Variants in ANK2 observed in about 807,000 individuals in gnomAD.
ANK2 encodes ankyrin-2.
ANK2 carries 83 observed loss-of-function variants against 360.5 expected under a neutral mutation model. The observed-to-expected ratio is 0.23, with a 90% CI of 0.19 to 0.28. ANK2 has a LOEUF of 0.28. Among genes scored for constraint, ANK2 ranks in the 10% least tolerant of loss-of-function variants. The pLI, the probability that ANK2 is intolerant of heterozygous loss-of-function variation, is 1.00. For synonymous variants in ANK2, 1,740 were observed against 1,759.5 expected, an observed-to-expected ratio of 0.99 and a Z score of 0.28; for missense variants, 4,201 against 4,795.7, an observed-to-expected ratio of 0.88 and a Z score of 3.66.
rs1379499964 is a variant in ANK2, at chr4:113,339,216, A to G, written c.3797-10A>G. ...TTGCCTGATTTTTTTCAACAATCAT[A>G]TTATTTCAGGTGGAACCACCCCTGC... On this transcript the variant is annotated splice_polypyrimidine_tract_variant and intron_variant, in intron 31 of 45. Transcript: ENST00000357077. 2 of 1,606,762 alleles carry G rather than the reference A, an allele frequency of 1.2e-6. No individual in the cohort carries two copies. The highest frequency in any genetic ancestry group is 1.3e-5 in the African/African-American group (1 of 74,862).
At chr4:112,973,143 A>T (rs965701896) in intron 2 of ANK2, among the ~76,000 whole-genome samples, 1 of 151,612 alleles carries the variant, frequency 6.6e-6, no homozygotes, top group Non-Finnish European at 1.5e-5. Flanking sequence ...TGTAACCAAA[A>T]CCCACCTGTA....
At chr4:113,079,257 C>T (rs552056594) in intron 1 of ANK2, among the ~76,000 whole-genome samples, 1 of 152,132 alleles carries the variant, frequency 6.6e-6, no homozygotes, top group Non-Finnish European at 1.5e-5. Context: ...CGATTGTTTC[C>T]CGGATACAAT....
chr4:112,885,666 G>A (rs551951808), intron 1 of ANK2, among the ~76,000 whole-genome samples: 80 of 151,098 alleles, frequency 5.3e-4, no homozygotes, highest in Middle Eastern at 3.4e-3. Flanking sequence ...GCGTGGTGGC[G>A]GGCACCTGTA....
intron 1 of ANK2, among the ~76,000 whole-genome samples, chr4:112,833,338 T>C (rs17615061): frequency 0.012 from 1,900 of 152,308 alleles, 19 homozygotes; most frequent in Admixed American, 0.019. Context: ...GCTGGAGATA[T>C]CTGATTTTAG....
chr4:113,096,732 T>A (rs1357762037), intron 1 of ANK2, among the ~76,000 whole-genome samples: 1 of 152,112 alleles, frequency 6.6e-6, no homozygotes, highest in Admixed American at 6.6e-5. Flanking sequence ...ATCATTATTA[T>A]TTTATCAAAG....
chr4:113,381,655 C>A lies in ANK2; in HGVS notation c.*184C>A. 1 of 1,542,446 alleles carries A rather than the reference C, an allele frequency of 6.5e-7. No homozygotes were observed. The highest frequency in any genetic ancestry group is 1.2e-5 in the South Asian group (1 of 83,536). On this transcript the variant is annotated 3_prime_UTR_variant, in exon 46 of 46. Transcript: ENST00000357077. ...AGGCCAAGTGAGGGGCTGCCCAGTT[C>A]TCACACCAGAAACCACACATTCACT... is the stretch of plus-strand genomic sequence containing the variant.
chr4:113,363,301 A>G, intron 39 of ANK2, 37 bp from the exon 40 acceptor site: 1 of 1,606,218 alleles, frequency 6.2e-7, no homozygotes, highest in African/African-American at 1.3e-5. Flanking sequence ...GAAACCTTGA[A>G]GTTAATGTGT....
intron 4 of ANK2, among the ~76,000 whole-genome samples, chr4:113,220,255 A>C (rs2099135281): frequency 1.3e-5 from 2 of 152,246 alleles, no homozygotes; most frequent in South Asian, 4.1e-4. Flanking sequence ...AAGAGAATGT[A>C]ATCTGCTGAT....
intron 1 of ANK2, among the ~76,000 whole-genome samples, chr4:113,094,044 G>A (rs1295677269): frequency 6.6e-6 from 1 of 152,116 alleles, no homozygotes; most frequent in Non-Finnish European, 1.5e-5. Context: ...AGAACTTCTT[G>A]GACCTTCCTT....
In ANK2 at chr4:112,898,126, TCC is replaced by T. The variant is rs1464046707; in HGVS notation, c.-39-6328_-39-6327del. Among the ~76,000 whole-genome samples the T allele has an allele frequency of 4.6e-5, 7 of 152,290 alleles. No homozygotes were observed. In the South Asian group the frequency reaches 1.5e-3, roughly 32 times the overall value. ...CAAATAGTACAGAGTTCTGGGATTA[TCC>T]TCTCCCCTTAATTTCTTCTATTATT... On this transcript the variant is annotated intron_variant, in intron 1 of 30. Transcript: ENST00000503271.
At chr4:112,723,073 T>C in the ANK2 span, among the ~76,000 whole-genome samples, 1 of 152,160 alleles carries the variant, frequency 6.6e-6, no homozygotes, top group Non-Finnish European at 1.5e-5. Flanking sequence ...TAAGTTTTGG[T>C]TGGGAGACAT....
At chr4:113,287,221 T>TA (rs944233671) in intron 18 of ANK2, among the ~76,000 whole-genome samples, 5 of 152,238 alleles carry the variant, frequency 3.3e-5, no homozygotes, top group Admixed American at 2.6e-4. Context: ...ATTATGCTTA[T>TA]AAAATAGGTG....
chr4:112,744,716 T>C, the ANK2 span, among the ~76,000 whole-genome samples: 2 of 152,216 alleles, frequency 1.3e-5, no homozygotes, highest in Admixed American at 6.5e-5. Flanking sequence ...GTATATGTTG[T>C]CAAATTATCC....
At chr4:112,859,656 C>G (rs1470865434) in intron 1 of ANK2, among the ~76,000 whole-genome samples, 1 of 152,206 alleles carries the variant, frequency 6.6e-6, no homozygotes, top group Admixed American at 6.5e-5. Context: ...AATAAAGCTT[C>G]TGTTCAGGAG....
At position 113,274,544 on chromosome 4, in the gene ANK2, C is replaced by T. The variant is rs762958248; in HGVS notation, c.1578C>T (p.Ala526=). 6.2e-7 allele frequency: 1 copy of T among 1,614,170 alleles called. No homozygotes were observed. Among genetic ancestry groups the T allele is most frequent in the Non-Finnish European group, 8.5e-7 (1 of 1,180,046 alleles). ...LLQHMAHPDA[A]TTNGYTPLHI... is the part of the protein sequence containing the mutation. ...AACATATGGCTCATCCAGATGCGGC[C>T]ACTACAAATGGGTACACACCACTGC... Residue 526 remains alanine, a synonymous_variant, in exon 15 of 46, where the codon GCC becomes GCT. Transcript: ENST00000357077.
chr4:113,095,554 T>C (rs1437756856), intron 1 of ANK2, among the ~76,000 whole-genome samples: 8 of 152,198 alleles, frequency 5.3e-5, no homozygotes, highest in Non-Finnish European at 7.3e-5. Context: ...CCTATCTCTT[T>C]ATTCTTTCTT....
intron 14 of ANK2, among the ~76,000 whole-genome samples, chr4:113,270,190 T>A (rs2057968685): frequency 1.3e-5 from 2 of 152,226 alleles, no homozygotes; most frequent in Non-Finnish European, 2.9e-5. Context: ...TTGTAATTCG[T>A]ATTTAATAAT....
chr4:113,221,706 G>T (rs1452901257), intron 4 of ANK2, among the ~76,000 whole-genome samples: 1 of 151,634 alleles, frequency 6.6e-6, no homozygotes, highest in East Asian at 1.9e-4. Flanking sequence ...TCAGTAAAAT[G>T]ACAATGTAGA....
intron 1 of ANK2, among the ~76,000 whole-genome samples, chr4:113,050,081 C>A (rs574976553): frequency 6.6e-6 from 1 of 152,256 alleles, no homozygotes; most frequent in South Asian, 2.1e-4. Flanking sequence ...TTACTGAGGA[C>A]CGTGGCCACT....
Sources: gnomAD v4.1 joint callset for allele counts (sites outside exome capture counted in the v4.1 genomes callset) on GRCh38, gnomAD v4.1.1 for gene constraint, MANE v1.5 for transcripts, NCBI Gene and HGNC (gene_info 2026-07-23, HGNC 2026-07-21) for gene names.